Variants in WWOX observed in about 807,000 individuals in gnomAD.
WWOX encodes the protein WW domain-containing oxidoreductase.
In WWOX, 69 loss-of-function variants were observed where a neutral mutation model predicts 46.2. The observed-to-expected ratio is 1.49, with a 90% CI of 1.23 to 1.82. WWOX has a LOEUF of 1.82. Ranked by LOEUF, WWOX falls within the 40% of genes most tolerant of loss-of-function variation. WWOX has a pLI of 0.00. For synonymous variants in WWOX, 359 were observed against 202.6 expected (o/e 1.77, Z -6.56); for missense variants, 919 against 542.6 (o/e 1.69, Z -6.89).
intron 5 of WWOX, among the ~76,000 whole-genome samples, chr16:78,206,875 G>A (rs1032340441): frequency 1.3e-5 from 2 of 152,164 alleles, no homozygotes; most frequent in Non-Finnish European, 1.5e-5. Flanking sequence ...AGTCTTTTCT[G>A]TGTTGCAAAA....
chr16:79,130,383 A>G (rs1029003217), intron 8 of WWOX, among the ~76,000 whole-genome samples: 11 of 152,328 alleles, frequency 7.2e-5, no homozygotes, highest in Middle Eastern at 6.8e-3. Context: ...ATAGTGCATT[A>G]GTATTATAGG....
chr16:79,180,774 CATCAATCCATTT>C (rs1475378446), intron 8 of WWOX, among the ~76,000 whole-genome samples: 4 of 152,030 alleles, frequency 2.6e-5, no homozygotes, highest in Non-Finnish European at 4.4e-5. Flanking sequence ...TCCATCCATT[CATCAATCCATTT>C]ATCCACTCTG....
intron 5 of WWOX, among the ~76,000 whole-genome samples, chr16:78,267,593 T>G (rs1205732205): frequency 6.6e-6 from 1 of 152,154 alleles, no homozygotes; most frequent in Non-Finnish European, 1.5e-5. Context: ...GAAGGCTCAG[T>G]CCTTGGCAGC....
At chr16:78,914,849 C>G (rs140103141) in intron 8 of WWOX, among the ~76,000 whole-genome samples, 5,414 of 148,258 alleles carry the variant, frequency 0.037, 365 homozygotes, top group African/African-American at 0.13. Context: ...ACTGCACTCC[C>G]GCCCGGGTGA....
intron 8 of WWOX, among the ~76,000 whole-genome samples, chr16:78,755,468 A>G (rs1230477518): frequency 6.6e-6 from 1 of 152,178 alleles, no homozygotes; most frequent in Non-Finnish European, 1.5e-5. Context: ...TTAAGGCTGC[A>G]TGATGATGAG....
chr16:79,163,402 C>T (rs954075259), intron 8 of WWOX, among the ~76,000 whole-genome samples: 3 of 152,128 alleles, frequency 2.0e-5, no homozygotes, highest in South Asian at 2.1e-4. Context: ...GTCATTAAGG[C>T]GCCTAATTTA....
At chr16:78,702,704 A>T (rs1597465005) in intron 8 of WWOX, among the ~76,000 whole-genome samples, 1 of 152,206 alleles carries the variant, frequency 6.6e-6, no homozygotes, top group Admixed American at 6.5e-5. Flanking sequence ...GGTAGGGAGA[A>T]AGCCAAAGGT....
At chr16:78,905,901 C>A (rs1351632810) in intron 8 of WWOX, among the ~76,000 whole-genome samples, 1 of 152,188 alleles carries the variant, frequency 6.6e-6, no homozygotes, top group Non-Finnish European at 1.5e-5. Flanking sequence ...TCGGAGCACC[C>A]AGCCATCCTT....
chr16:78,822,635 A>G (rs2051535155), intron 8 of WWOX, among the ~76,000 whole-genome samples: 1 of 152,180 alleles, frequency 6.6e-6, no homozygotes, highest in Non-Finnish European at 1.5e-5. Context: ...ACGTGTTCCT[A>G]ATGGGTGGAA....
At chr16:78,278,108 C>T (rs2079612312) in intron 5 of WWOX, among the ~76,000 whole-genome samples, 1 of 152,132 alleles carries the variant, frequency 6.6e-6, no homozygotes, top group East Asian at 1.9e-4. Context: ...ATTTGTTTCT[C>T]TCCAGGATCT....
rs201818301 is a variant in WWOX, at chr16:78,432,611, C to T, written c.915C>T (p.Asn305=). 9 of 1,614,224 alleles carry T rather than the reference C, an allele frequency of 5.6e-6. No individual in the cohort carries two copies. The highest frequency in any genetic ancestry group is 4.5e-5 in the East Asian group (2 of 44,880). ...AGCTCTGCAACATCCTCTTCTCCAA[C>T]GAGCTGCACCGTCGCCTCTCCCCAC... ...RSKLCNILFS[N]ELHRRLSPRG... The change falls in exon 8 of 9, where the codon AAC becomes AAT. Residue 305 remains asparagine, a synonymous_variant. Transcript: ENST00000566780.
Position 79,097,573 on chromosome 16 carries a change from C to G in WWOX, c.1057-114035C>G, listed in dbSNP as rs542116172. Among the ~76,000 whole-genome samples, 9 of 152,300 alleles carry G rather than the reference C, an allele frequency of 5.9e-5. No homozygotes were observed. In the East Asian group the frequency reaches 1.7e-3, roughly 29 times the overall value. On this transcript the variant is annotated intron_variant, in intron 8 of 8. Coordinates refer to ENST00000566780, the MANE Select transcript of WWOX (RefSeq NM_016373.4). Reference sequence around the variant, plus strand: ...TTGTATTAGGAAAAAACATAACCCTCTCCTACTGAGAACCAGAGAGAGCCC... The same window carrying G: ...TTGTATTAGGAAAAAACATAACCCTGTCCTACTGAGAACCAGAGAGAGCCC...
At chr16:78,817,544 C>G (rs529178481) in intron 8 of WWOX, among the ~76,000 whole-genome samples, 1 of 152,312 alleles carries the variant, frequency 6.6e-6, no homozygotes, top group South Asian at 2.1e-4. Flanking sequence ...ATTTGCCAAT[C>G]AAAATTCACG....
intron 8 of WWOX, among the ~76,000 whole-genome samples, chr16:78,902,100 G>A (rs974008322): frequency 6.6e-5 from 10 of 152,344 alleles, no homozygotes; most frequent in Admixed American, 6.5e-4. Context: ...GCAGATTTCA[G>A]AGCTGGCAGA....
intron 8 of WWOX, among the ~76,000 whole-genome samples, chr16:78,504,133 C>G (rs1236261951): frequency 6.6e-6 from 1 of 152,058 alleles, no homozygotes; most frequent in East Asian, 1.9e-4. Context: ...AGATACAAAG[C>G]TAGAAACTAC....
At chr16:78,443,023 C>G (rs1179198071) in intron 8 of WWOX, among the ~76,000 whole-genome samples, 1 of 151,200 alleles carries the variant, frequency 6.6e-6, no homozygotes, top group Non-Finnish European at 1.5e-5. Context: ...GTAGTCCCAG[C>G]TACTCAGGAG....
chr16:78,485,230 C>T (rs571070898), intron 8 of WWOX, among the ~76,000 whole-genome samples: 2 of 152,120 alleles, frequency 1.3e-5, no homozygotes, highest in African/African-American at 2.4e-5. Context: ...CATATACTCC[C>T]TGTCCTCACA....
At chr16:78,887,996 C>G (rs1167173196) in intron 8 of WWOX, among the ~76,000 whole-genome samples, 1 of 152,208 alleles carries the variant, frequency 6.6e-6, no homozygotes, top group African/African-American at 2.4e-5. Flanking sequence ...TGACATCCCA[C>G]ATTGGACTTG....
intron 8 of WWOX, among the ~76,000 whole-genome samples, chr16:79,001,702 G>A (rs1464729467): frequency 1.3e-5 from 2 of 151,670 alleles, no homozygotes; most frequent in Non-Finnish European, 2.9e-5. Context: ...CTAGACCTCA[G>A]GCATGAAGGG....
Sources: gnomAD v4.1 joint callset for allele counts (sites outside exome capture counted in the v4.1 genomes callset) on GRCh38, gnomAD v4.1.1 for gene constraint, MANE v1.5 for transcripts, NCBI Gene and HGNC (gene_info 2026-07-23, HGNC 2026-07-21) for gene names.